Variants in AFG2A observed in about 807,000 individuals in gnomAD.
AFG2A encodes ATPase family gene 2 protein homolog A.
the AFG2A span, among the ~76,000 whole-genome samples, chr4:123,203,575 G>A: frequency 6.6e-6 from 1 of 152,220 alleles, no homozygotes; most frequent in Non-Finnish European, 1.5e-5. Flanking sequence ...ACTGCGCCCA[G>A]CCAGTTGTAC....
At chr4:122,991,159 C>T in the AFG2A span, among the ~76,000 whole-genome samples, 2 of 152,116 alleles carry the variant, frequency 1.3e-5, no homozygotes, top group Admixed American at 1.3e-4. Context: ...TGTGTGTTTG[C>T]CCTTTTGTGT....
At chr4:123,311,291 A>G in the AFG2A span, among the ~76,000 whole-genome samples, 2 of 152,250 alleles carry the variant, frequency 1.3e-5, no homozygotes, top group East Asian at 3.9e-4. Context: ...TGTCATTACC[A>G]TGTAAGCCAC....
chr4:123,306,304 A>G, the AFG2A span, among the ~76,000 whole-genome samples: 2 of 152,188 alleles, frequency 1.3e-5, no homozygotes, highest in East Asian at 3.9e-4. Flanking sequence ...TGTTTTTGTC[A>G]GATATTCGAT....
chr4:123,218,654 TAC>T, the AFG2A span, among the ~76,000 whole-genome samples: 1 of 148,506 alleles, frequency 6.7e-6, no homozygotes, highest in Non-Finnish European at 1.5e-5. Context: ...CATACATACA[TAC>T]ATACATACAT....
the AFG2A span, among the ~76,000 whole-genome samples, chr4:123,017,654 T>C: frequency 1.3e-5 from 2 of 152,256 alleles, no homozygotes; most frequent in South Asian, 2.1e-4. Flanking sequence ...GGTACACTTA[T>C]GATTTCTAAA....
the AFG2A span, among the ~76,000 whole-genome samples, chr4:123,159,414 C>G: frequency 6.6e-6 from 1 of 152,072 alleles, no homozygotes; most frequent in African/African-American, 2.4e-5. Context: ...GTGTTGCAGT[C>G]AAGAGGCGTT....
At chr4:123,002,535 A>G in the AFG2A span, among the ~76,000 whole-genome samples, 2 of 151,954 alleles carry the variant, frequency 1.3e-5, no homozygotes, top group Non-Finnish European at 2.9e-5. Flanking sequence ...GCTTGTCTGT[A>G]AAGTGTTTTA....
chr4:122,968,832 A>T, the AFG2A span, among the ~76,000 whole-genome samples: 4 of 152,094 alleles, frequency 2.6e-5, 1 homozygote, highest in South Asian at 8.3e-4. Context: ...CATGGAGTTT[A>T]TAGCAGTATT....
the AFG2A span, among the ~76,000 whole-genome samples, chr4:123,072,179 G>A: frequency 6.6e-6 from 1 of 152,082 alleles, no homozygotes; most frequent in Non-Finnish European, 1.5e-5. Context: ...TTTTTTAATG[G>A]CCCTCACAGC....
chr4:123,077,775 C>G, the AFG2A span, among the ~76,000 whole-genome samples: 3,251 of 152,222 alleles, frequency 0.021, 59 homozygotes, highest in Non-Finnish European at 0.035. Context: ...CTACTCTTTG[C>G]TCTGGAGGGG....
At chr4:123,224,460 G>C in the AFG2A span, among the ~76,000 whole-genome samples, 1 of 151,886 alleles carries the variant, frequency 6.6e-6, no homozygotes, top group Non-Finnish European at 1.5e-5. Flanking sequence ...AACATGCGGT[G>C]TTTGGTTTTT....
chr4:123,150,470 A>G, the AFG2A span, among the ~76,000 whole-genome samples: 5,596 of 152,246 alleles, frequency 0.037, 339 homozygotes, highest in African/African-American at 0.13. Context: ...AAGCATTCCT[A>G]TACACCAATA....
the AFG2A span, among the ~76,000 whole-genome samples, chr4:122,962,986 G>A: frequency 6.6e-6 from 1 of 152,238 alleles, no homozygotes. Context: ...TTGAAGATGA[G>A]GACAGGTCTA....
At chr4:123,046,772 T>C in the AFG2A span, among the ~76,000 whole-genome samples, 1 of 152,078 alleles carries the variant, frequency 6.6e-6, no homozygotes, top group Non-Finnish European at 1.5e-5. Flanking sequence ...CATTAGCCAA[T>C]TTTTTTTCAT....
the AFG2A span, among the ~76,000 whole-genome samples, chr4:123,289,514 C>G: frequency 6.6e-6 from 1 of 152,052 alleles, no homozygotes; most frequent in South Asian, 2.1e-4. Flanking sequence ...ATTTCTTTTC[C>G]TTTAAGTAGA....
chr4:123,068,624 G>T, the AFG2A span, among the ~76,000 whole-genome samples: 1 of 152,026 alleles, frequency 6.6e-6, no homozygotes, highest in African/African-American at 2.4e-5. Context: ...ACCTAAATTT[G>T]CTCCCTCATT....
the AFG2A span, chr4:123,057,376 C>T: frequency 7.4e-6 from 10 of 1,355,026 alleles, no homozygotes; most frequent in African/African-American, 4.4e-5. Context: ...ATTTTGTATA[C>T]AACTTTTATC....
chr4:123,010,895 C>T, the AFG2A span, among the ~76,000 whole-genome samples: 1 of 152,240 alleles, frequency 6.6e-6, no homozygotes, highest in Admixed American at 6.5e-5. Context: ...TAAACTCATA[C>T]CCCCAGCTAT....
At chr4:122,931,814 G>A in the AFG2A span, among the ~76,000 whole-genome samples, 1 of 152,032 alleles carries the variant, frequency 6.6e-6, no homozygotes, top group African/African-American at 2.4e-5. Flanking sequence ...ATGGGTGTTG[G>A]GTCACCCAAA....
Sources: gnomAD v4.1 joint callset for allele counts (sites outside exome capture counted in the v4.1 genomes callset) on GRCh38, gnomAD v4.1.1 for gene constraint, MANE v1.5 for transcripts, NCBI Gene and HGNC (gene_info 2026-07-23, HGNC 2026-07-21) for gene names.